The following BPTF variants were observed in gnomAD, a reference collection of about 807,000 sequenced individuals.
The protein encoded by BPTF is nucleosome-remodeling factor subunit BPTF.
A neutral mutation model predicts 292.5 loss-of-function variants in BPTF; 18 were observed. The ratio of observed to expected loss-of-function variants is 0.06; its 90% CI spans 0.04 to 0.09. The LOEUF is 0.09. BPTF is among the 10% of genes least tolerant of loss of function. The pLI, the probability that BPTF is intolerant of heterozygous loss-of-function variation, is 1.00. For missense variants in BPTF, 2,726 were observed against 3,498.7 expected, an observed-to-expected ratio of 0.78 and a Z score of 5.57; for synonymous variants, 1,225 against 1,251.9, an observed-to-expected ratio of 0.98 and a Z score of 0.45.
chr17:67,882,116 T>C (rs985822821), intron 4 of BPTF, among the ~76,000 whole-genome samples: 6 of 152,144 alleles, frequency 3.9e-5, no homozygotes, highest in Non-Finnish European at 7.4e-5. Context: ...ATTACAGGCG[T>C]GAGCTACCGT....
At chr17:67,869,645 T>C (rs923299748) in intron 3 of BPTF, among the ~76,000 whole-genome samples, 8 of 151,916 alleles carry the variant, frequency 5.3e-5, no homozygotes, top group Admixed American at 3.3e-4. Context: ...ACAATGAGCA[T>C]GTTATATAGT....
rs11376410 is a variant in BPTF, at chr17:67,979,169, C to CAAAAAAAAAAAAAAAAAA, written c.8727-3079_8727-3062dup. Among the ~76,000 whole-genome samples, 76 of 72,560 alleles carry CAAAAAAAAAAAAAAAAAA rather than the reference C, an allele frequency of 1.0e-3. 3 individuals are homozygous for CAAAAAAAAAAAAAAAAAA. Among genetic ancestry groups the CAAAAAAAAAAAAAAAAAA allele is most frequent in the African/African-American group, 5.8e-3 (72 of 12,496 alleles). 47.6% of individuals were successfully genotyped at this position (72,560 alleles called of 152,430 possible). A position where few individuals can be genotyped will look rare whatever the true frequency, so the allele number is the denominator to read the frequency against. On this transcript the variant is annotated intron_variant, in intron 27 of 27. Transcript: ENST00000306378. ...TGGAAGACACAACAAGACCCTGTCT[C>CAAAAAAAAAAAAAAAAAA]AAAAAAAAAAAAAAAAAAAAAGGCC...
At chr17:67,856,057 A>G (rs980522673) in intron 2 of BPTF, among the ~76,000 whole-genome samples, 1 of 151,948 alleles carries the variant, frequency 6.6e-6, no homozygotes, top group African/African-American at 2.4e-5. Context: ...TCTCTTGACA[A>G]CTTCCTCTTT....
chr17:67,871,135 A>T (rs1003736141), intron 3 of BPTF, among the ~76,000 whole-genome samples: 4 of 152,090 alleles, frequency 2.6e-5, no homozygotes, highest in Admixed American at 6.6e-5. Context: ...TGTCTACTTT[A>T]GGAGAGTTTA....
intron 4 of BPTF, among the ~76,000 whole-genome samples, chr17:67,884,421 CTTT>C (rs60432162): frequency 2.7e-5 from 4 of 146,290 alleles, no homozygotes; most frequent in African/African-American, 1.0e-4. Context: ...TGGCCCCTCC[CTTT>C]TTTTTTTTTC....
chr17:67,969,755 G>A (rs1013234036), intron 26 of BPTF, among the ~76,000 whole-genome samples: 2 of 151,592 alleles, frequency 1.3e-5, no homozygotes, highest in Admixed American at 6.6e-5. Context: ...TTGAGCCCAG[G>A]ATTTTAATAC....
rs530409236 is a variant in BPTF at position 67,934,065 on chromosome 17, A to AAT, written c.6259+2048_6259+2049dup. 2.2e-4 allele frequency among the ~76,000 whole-genome samples: 33 copies of AAT among 152,232 alleles called. 1 individual carries two copies. The South Asian group carries it at 6.2e-3, about 29-fold the overall frequency. ...ATCTCAGAAAAAAGAAAAAAAAAAT[A>AAT]ATAATTCATAGGCTTTTTGGTGGAA... On this transcript the variant is annotated intron_variant, in intron 18 of 27. Transcript: ENST00000306378.
chr17:67,869,827 C>CAAAAA (rs772941425), intron 3 of BPTF, among the ~76,000 whole-genome samples: 5 of 56,442 alleles, frequency 8.9e-5, no homozygotes, highest in Admixed American at 4.4e-4. Context: ...ACTAAAAATA[C>CAAAAA]AAAAAAAAAA....
chr17:67,825,994 G>A lies in BPTF; in HGVS notation c.270G>A (p.Pro90=). ...CGGCCCCCCCCAGCACCAGCGCCCC[G>A]GGCCGGGGGGGGCGAGGAGGCGGGG... is the stretch of plus-strand genomic sequence containing the variant. ...PPPAPPSTSA[P]GRGGRGGGGG... The change falls in exon 1 of 28, where the codon CCG becomes CCA. Residue 90 remains proline (P), a synonymous_variant. Coordinates refer to ENST00000306378, the MANE Select transcript of BPTF (RefSeq NM_182641.4). The A allele has an allele frequency of 1.8e-6, 2 of 1,125,144 alleles. No homozygotes were observed. The highest frequency in any genetic ancestry group is 2.2e-6 in the Non-Finnish European group (2 of 919,226). 69.7% of individuals were successfully genotyped at this position (1,125,144 alleles called of 1,614,324 possible). A position where few individuals can be genotyped will look rare whatever the true frequency, so the allele number is the denominator to read the frequency against.
In BPTF at chr17:67,928,423, C is replaced by G. The variant is rs2064097609; in HGVS notation, c.5820C>G (p.Thr1940=). 1 of 1,614,148 alleles carries G rather than the reference C, an allele frequency of 6.2e-7. No individual in the cohort carries two copies. The highest frequency in any genetic ancestry group is 2.2e-5 in the East Asian group (1 of 44,888). Residue 1940 remains threonine, a synonymous_variant, in exon 16 of 28, where the codon ACC becomes ACG. Transcript: ENST00000306378. ...TSTTSPTSST[T]STISPAQKVM... ...CTACTTCCCCAACAAGCAGTACAACCAGCACCATCTCTCCAGCACAGAAGG... is the reference window on the plus strand; with the variant it reads ...CTACTTCCCCAACAAGCAGTACAACGAGCACCATCTCTCCAGCACAGAAGG...
intron 7 of BPTF, among the ~76,000 whole-genome samples, chr17:67,899,818 C>T (rs569897866): frequency 2.0e-5 from 3 of 151,896 alleles, no homozygotes; most frequent in Non-Finnish European, 4.4e-5. Context: ...CATGAGCCAC[C>T]GCGCCCGGCC....
intron 12 of BPTF, 73 bp from the exon 13 acceptor site, chr17:67,919,942 A>G: frequency 7.0e-7 from 1 of 1,437,076 alleles, no homozygotes; most frequent in Non-Finnish European, 9.5e-7. Flanking sequence ...TCTTTTTGAA[A>G]GCACCAGATG....
chr17:67,921,209 CAAAAAAAAAAAA>C (rs60707445), intron 13 of BPTF, among the ~76,000 whole-genome samples: 2,265 of 49,306 alleles, frequency 0.046, 59 homozygotes, highest in African/African-American at 0.093. Context: ...GAATCCGTGT[CAAAAAAAAAAAA>C]AAAAAAAAAA....
rs565915648 is a variant in BPTF, at chr17:67,906,511, A to G, written c.2812+1671A>G. Among the ~76,000 whole-genome samples the G allele has an allele frequency of 1.8e-4, 27 of 152,334 alleles. No individual in the cohort carries two copies. The South Asian group carries it at 5.6e-3, about 32-fold the overall frequency. ...TAAACTCAAGTTCAATGAGCCGATT[A>G]TTTCACGAGGGTGCCAGGTGACATA... is the stretch of plus-strand genomic sequence containing the variant. On this transcript the variant is annotated intron_variant, in intron 9 of 27. Transcript: ENST00000306378.
chr17:67,896,232 G>A lies in BPTF; in HGVS notation c.2543+2067G>A, dbSNP rs540644206. On this transcript the variant is annotated intron_variant, in intron 7 of 27. Transcript: ENST00000306378. Reference sequence around the variant, plus strand: ...CCGCCTTGGCCTCCCAAAGTGCTGGGATTACAGGCATGAGTGACTGCACCC... The same window carrying A: ...CCGCCTTGGCCTCCCAAAGTGCTGGAATTACAGGCATGAGTGACTGCACCC... Among the ~76,000 whole-genome samples, 3 of 152,306 alleles carry A rather than the reference G, an allele frequency of 2.0e-5. No individual in the cohort carries two copies. In the East Asian group the frequency reaches 5.8e-4, roughly 29 times the overall value.
chr17:67,949,943 G>C (rs1555677602), intron 23 of BPTF, among the ~76,000 whole-genome samples: 1 of 145,826 alleles, frequency 6.9e-6, no homozygotes, highest in South Asian at 2.2e-4. Flanking sequence ...ATCCCAGCTA[G>C]TTAGGAGTCT....
chr17:67,944,090 A>G, intron 19 of BPTF, 60 bp from the exon 20 acceptor site: 1 of 1,219,202 alleles, frequency 8.2e-7, no homozygotes, highest in Non-Finnish European at 1.2e-6. Context: ...ATTTAATAAA[A>G]ATGATATACA....
chr17:67,963,188 G>A (rs2067687964), intron 24 of BPTF: 1 of 995,652 alleles, frequency 1.0e-6, no homozygotes, highest in African/African-American at 1.7e-5. Flanking sequence ...GCCAGGAGTA[G>A]AATGGTTGGA....
chr17:67,974,945 G>A (rs1478683582), intron 26 of BPTF: 1 of 152,172 alleles, frequency 6.6e-6, no homozygotes, highest in Non-Finnish European at 1.5e-5. Flanking sequence ...CCTTCCGGAG[G>A]TTGGGGGATG....
Sources: gnomAD v4.1 joint callset for allele counts (sites outside exome capture counted in the v4.1 genomes callset) on GRCh38, gnomAD v4.1.1 for gene constraint, MANE v1.5 for transcripts, NCBI Gene and HGNC (gene_info 2026-07-23, HGNC 2026-07-21) for gene names.